RAB11FIP1: variants seen among roughly 807,000 people sequenced by gnomAD.
RAB11FIP1 encodes RAB11 family interacting protein 1, also known as rab11 family-interacting protein 1.
In RAB11FIP1, 49 loss-of-function variants were observed where a neutral mutation model predicts 83.1. That is an observed-to-expected ratio of 0.59 (90% CI 0.47 to 0.75). The LOEUF is 0.75. RAB11FIP1 is among the 30% of genes least tolerant of loss of function. The probability of loss-of-function intolerance (pLI) is 0.00; values close to 1 mark genes in which losing one functional copy is unlikely to be tolerated. For missense variants in RAB11FIP1, 1,536 were observed against 1,598.7 expected, an observed-to-expected ratio of 0.96 and a Z score of 0.67; for synonymous variants, 670 against 656.0, an observed-to-expected ratio of 1.02 and a Z score of -0.33.
In RAB11FIP1 at chr8:37,872,005, A is replaced by C; in HGVS notation, c.2797T>G (p.Leu933Val). 6.2e-7 allele frequency: 1 copy of C among 1,614,096 alleles called. No individual in the cohort carries two copies. Among genetic ancestry groups the C allele is most frequent in the South Asian group, 1.1e-5 (1 of 91,076 alleles). The stretch of plus-strand genomic sequence containing the variant: ...AGGTCACTCAAGGGGTCAGACAATA[A>C]ACCTTCGTGGTCACTGGCTTTGCTC... ...YQSKASDHEGLLSDPLSDLQL... is the reference protein window; with the variant it reads ...YQSKASDHEGVLSDPLSDLQL... The change falls in exon 4 of 6, where the codon TTA (leucine) becomes GTA (valine). Residue 933 changes from leucine (L) to valine (V), a missense_variant. Transcript: ENST00000330843.
At position 37,874,835 on chromosome 8, in the gene RAB11FIP1, G is replaced by A. The variant is rs1806570444; in HGVS notation, c.1302C>T (p.Ser434=). ...TCCCCGTCATCAGAGACAGCAAAGA[G>A]GACCTCCTGCTCTCTGGCTTCTTGC... ...KESKKPESRR[S]SLLSLMTGKK... is the part of the protein sequence containing the mutation. Residue 434 remains serine, a synonymous_variant, in exon 3 of 6, where the codon TCC becomes TCT. Transcript: ENST00000330843. 6.2e-7 allele frequency: 1 copy of A among 1,614,132 alleles called. No homozygotes were observed. The highest frequency in any genetic ancestry group is 8.5e-7 in the Non-Finnish European group (1 of 1,180,018).
intron 5 of RAB11FIP1, among the ~76,000 whole-genome samples, chr8:37,868,355 G>T (rs1267839306): frequency 6.6e-6 from 1 of 151,416 alleles, no homozygotes; most frequent in Non-Finnish European, 1.5e-5. Context: ...CCGGGAGGTG[G>T]AGGTTGCGGT....
At chr8:37,881,005 T>C (rs553077541) in intron 1 of RAB11FIP1, among the ~76,000 whole-genome samples, 104 of 152,306 alleles carry the variant, frequency 6.8e-4, no homozygotes, top group African/African-American at 2.5e-3. Context: ...CCATGGCTGG[T>C]GGCTCGCTCA....
Position 37,881,406 on chromosome 8 carries a change from T to G in RAB11FIP1, c.372-3855A>C, listed in dbSNP as rs552502102. Among the ~76,000 whole-genome samples the G allele has an allele frequency of 2.4e-3, 373 of 152,360 alleles. 1 individual carries two copies. Among genetic ancestry groups the G allele is most frequent in the African/African-American group, 8.5e-3 (353 of 41,582 alleles). On this transcript the variant is annotated intron_variant, in intron 1 of 5. Transcript: ENST00000330843. ...GAAAAGAGGGTTCAAATTTAAATTCTTTTTGAGAAACATTTAAGCTTCTCA... is the reference window on the plus strand; with the variant it reads ...GAAAAGAGGGTTCAAATTTAAATTCGTTTTGAGAAACATTTAAGCTTCTCA...
intron 1 of RAB11FIP1, among the ~76,000 whole-genome samples, chr8:37,883,096 G>A (rs1011072651): frequency 2.0e-5 from 3 of 152,068 alleles, no homozygotes; most frequent in African/African-American, 4.8e-5. Flanking sequence ...CAGGCAAAGA[G>A]GCAGAATTTA....
intron 1 of RAB11FIP1, chr8:37,877,858 T>C (rs886562558): frequency 2.6e-5 from 6 of 231,232 alleles, no homozygotes; most frequent in Non-Finnish European, 5.1e-5. Context: ...TAGCTGAGAT[T>C]ACAGGAGCGC....
chr8:37,888,790 C>CTTTTTTTTTTTT (rs35214439), intron 1 of RAB11FIP1, among the ~76,000 whole-genome samples: 2 of 100,650 alleles, frequency 2.0e-5, no homozygotes, highest in Non-Finnish European at 3.9e-5. Flanking sequence ...CGTTCTGCAA[C>CTTTTTTTTTTTT]TTTTTTTTTT....
intron 2 of RAB11FIP1, among the ~76,000 whole-genome samples, chr8:37,876,194 C>CAAAAG (rs1157970361): frequency 1.6e-4 from 21 of 129,186 alleles, no homozygotes; most frequent in African/African-American, 2.1e-4. Context: ...GACTCCATCT[C>CAAAAG]AAAAGAAAAG....
chr8:37,871,601 T>C lies in RAB11FIP1; in HGVS notation c.3201A>G (p.Pro1067=). 6.2e-7 allele frequency: 1 copy of C among 1,603,414 alleles called. No individual in the cohort carries two copies. The highest frequency in any genetic ancestry group is 8.5e-7 in the Non-Finnish European group (1 of 1,172,990). Residue 1067 remains proline (P), a synonymous_variant, in exon 4 of 6, where the codon CCA becomes CCG. Coordinates refer to ENST00000330843, the MANE Select transcript of RAB11FIP1 (RefSeq NM_001002814.3). ...TTTCTTCCTCACCACCACTGGGGCC[T>C]GGCAGCTGTTTATCCAAGCTTGAGC... The part of the protein sequence containing the change: ...GKSSSLDKQL[P]GPSGGEEEKP...
intron 1 of RAB11FIP1, among the ~76,000 whole-genome samples, chr8:37,886,143 G>A (rs898861468): frequency 5.3e-5 from 8 of 152,162 alleles, no homozygotes; most frequent in Non-Finnish European, 1.0e-4. Flanking sequence ...CATGCCAGAC[G>A]CTGGAAATAC....
In RAB11FIP1 at chr8:37,876,335, G is replaced by A. The variant is rs117858392; in HGVS notation, c.814+774C>T. 6.7e-3 allele frequency among the ~76,000 whole-genome samples: 1,011 copies of A among 151,930 alleles called. 10 individuals are homozygous for A. The highest frequency in any genetic ancestry group is 9.1e-3 in the Non-Finnish European group (615 of 67,952). On this transcript the variant is annotated intron_variant, in intron 2 of 5. Coordinates refer to ENST00000330843, the MANE Select transcript of RAB11FIP1 (RefSeq NM_001002814.3). ...TCAGCCATGGGCAATGGTTCACACC[G>A]GTCATAAGAGCCCTTTGAGAGGCTG...
In RAB11FIP1 at chr8:37,895,543, C is replaced by T. The variant is rs542235656; in HGVS notation, c.371+3528G>A. On this transcript the variant is annotated intron_variant, in intron 1 of 5. Transcript: ENST00000330843. ...CTGTTTTGCAGTCACAGTACTTAGC[C>T]GATTCCCATTTATCTGAGACCCACT... 6.7e-4 allele frequency among the ~76,000 whole-genome samples: 101 copies of T among 151,352 alleles called. 1 individual carries two copies. The Middle Eastern group carries it at 0.027, about 41-fold the overall frequency.
intron 1 of RAB11FIP1, among the ~76,000 whole-genome samples, chr8:37,878,910 C>T (rs1282344016): frequency 1.3e-5 from 2 of 151,794 alleles, no homozygotes; most frequent in South Asian, 2.1e-4. Flanking sequence ...CCTAGGAATT[C>T]GAGGCTGCAG....
At chr8:37,874,006 C>T (rs574546292) in intron 3 of RAB11FIP1, among the ~76,000 whole-genome samples, 1 of 152,262 alleles carries the variant, frequency 6.6e-6, no homozygotes, top group Non-Finnish European at 1.5e-5. Context: ...GGCCAGTCCC[C>T]AAGGCTTATG....
In RAB11FIP1 at chr8:37,875,193, G is replaced by C. The variant is rs765479160; in HGVS notation, c.944C>G (p.Ser315Cys). ...LRSKNDVLSRSNVCINGNHVY... is the reference protein window; with the variant it reads ...LRSKNDVLSRCNVCINGNHVY... ...ATGGTTCCCATTGATGCAGACATTA[G>C]AGCGGGAAAGGACATCATTCTTAGA... is the stretch of plus-strand genomic sequence containing the variant. The change falls in exon 3 of 6, where the codon TCT (serine) becomes TGT (cysteine). Residue 315 changes from serine to cysteine, a missense_variant. Coordinates refer to ENST00000330843, the MANE Select transcript of RAB11FIP1 (RefSeq NM_001002814.3). 2.5e-6 allele frequency: 4 copies of C among 1,614,160 alleles called. No homozygotes were observed. Among genetic ancestry groups the C allele is most frequent in the South Asian group, 2.2e-5 (2 of 91,078 alleles).
chr8:37,864,927 A>G (rs932040501), intron 5 of RAB11FIP1, among the ~76,000 whole-genome samples: 1 of 114,544 alleles, frequency 8.7e-6, no homozygotes, highest in African/African-American at 3.6e-5. Flanking sequence ...AATGTACTTA[A>G]TGCCTTTTTT....
rs1402695706 is a variant in RAB11FIP1, at chr8:37,872,297, G to A, written c.2505C>T (p.Pro835=). The A allele has an allele frequency of 3.1e-6, 5 of 1,613,926 alleles. No individual in the cohort carries two copies. The highest frequency in any genetic ancestry group is 3.4e-6 in the Non-Finnish European group (4 of 1,179,972). ...CAGACCATGCAGGGTTCAGCTCCTG[G>A]GGACAACTGCTGTGTCCTTCCACCA... ...ALLVEGHSSC[P]QELNPAWSVA... The change falls in exon 4 of 6, where the codon CCC becomes CCT. Residue 835 remains proline, a synonymous_variant. Transcript: ENST00000330843.
intron 5 of RAB11FIP1, among the ~76,000 whole-genome samples, chr8:37,865,616 G>A (rs976733833): frequency 2.6e-5 from 4 of 152,176 alleles, no homozygotes; most frequent in East Asian, 1.9e-4. Flanking sequence ...CACTGAGCCC[G>A]GCCTTCCTGG....
chr8:37,876,214 AAAGG>A (rs71216633), intron 2 of RAB11FIP1, among the ~76,000 whole-genome samples: 16,670 of 128,236 alleles, frequency 0.13, 1,151 homozygotes, highest in East Asian at 0.22. Context: ...GAAAAGAAAG[AAAGG>A]AAGGAAGGAA....
Sources: allele counts gnomAD v4.1 joint callset (sites outside exome capture counted in the v4.1 genomes callset), GRCh38; gene constraint gnomAD v4.1.1; transcripts MANE v1.5; gene names NCBI Gene and HGNC (gene_info 2026-07-23, HGNC 2026-07-21).